Variants in IL7 observed in about 807,000 individuals in gnomAD.
The protein encoded by IL7 is interleukin-7.
In IL7, 3 loss-of-function variants were observed where a neutral mutation model predicts 21.6. The ratio of observed to expected loss-of-function variants is 0.14; its 90% CI spans 0.06 to 0.36. The LOEUF is 0.36. Among genes scored for constraint, IL7 ranks in the 10% least tolerant of loss-of-function variants. The pLI is 1.00. For synonymous variants in IL7, 62 were observed against 68.1 expected (o/e 0.91, Z 0.44); for missense variants, 175 against 200.2 (o/e 0.87, Z 0.76).
At position 78,741,973 on chromosome 8, in the gene IL7, A is replaced by C. The variant is rs114108149; in HGVS notation, c.148-1891T>G. ...AATAGAATTACTTGACCAAAGTCCC[A>C]ATAATTGTTTCTTATTCACATGTCA... On this transcript the variant is annotated intron_variant, in intron 2 of 5. Transcript: ENST00000263851. Among the ~76,000 whole-genome samples the C allele has an allele frequency of 5.3e-3, 810 of 152,314 alleles. 6 individuals are homozygous for C. The highest frequency in any genetic ancestry group is 0.019 in the African/African-American group (777 of 41,574).
At chr8:78,695,033 A>G (rs1810352859) in intron 3 of IL7, among the ~76,000 whole-genome samples, 1 of 152,146 alleles carries the variant, frequency 6.6e-6, no homozygotes, top group Non-Finnish European at 1.5e-5. Flanking sequence ...TGTAGAATAG[A>G]TAGAATATAG....
intron 2 of IL7, among the ~76,000 whole-genome samples, chr8:78,789,216 A>C (rs1178678859): frequency 6.6e-6 from 1 of 152,168 alleles, no homozygotes; most frequent in Non-Finnish European, 1.5e-5. Context: ...TTTTATAACT[A>C]GAAAAAAGTT....
downstream of IL7, chr8:78,675,593 T>C (rs552928303): frequency 1.9e-6 from 1 of 518,014 alleles, no homozygotes; most frequent in Non-Finnish European, 3.4e-6. Flanking sequence ...TCCATATTTA[T>C]CCTGACCTTT....
At chr8:78,700,910 G>A (rs947626986) in intron 3 of IL7, among the ~76,000 whole-genome samples, 5 of 152,078 alleles carry the variant, frequency 3.3e-5, no homozygotes, top group African/African-American at 1.2e-4. Flanking sequence ...TAGTATAGCT[G>A]GAAGTCAGGC....
At chr8:78,738,764 T>C (rs1435036331) in intron 3 of IL7, 129 bp from the exon 4 acceptor site, 3 of 723,168 alleles carry the variant, frequency 4.1e-6, no homozygotes. Context: ...AGCTTTCTAT[T>C]CCAGTTAATC....
intron 2 of IL7, among the ~76,000 whole-genome samples, chr8:78,771,793 AG>A (rs751266401): frequency 2.6e-5 from 4 of 152,110 alleles, no homozygotes; most frequent in Non-Finnish European, 5.9e-5. Flanking sequence ...ACCCTGTGCC[AG>A]GCCGCTCTAA....
At chr8:78,719,026 G>A (rs182441135) in exon 6 of IL7, 1 of 151,774 alleles carries the variant, frequency 6.6e-6, no homozygotes, top group Admixed American at 6.6e-5. Flanking sequence ...TTCCTGATTA[G>A]TTGTTAATTT....
intron 2 of IL7, among the ~76,000 whole-genome samples, chr8:78,790,077 T>C (rs1444647658): frequency 6.7e-6 from 1 of 149,544 alleles, no homozygotes; most frequent in South Asian, 2.1e-4. Flanking sequence ...GCCTCTGGAA[T>C]AGAGTCACAG....
chr8:78,770,251 C>T (rs1325760358), intron 2 of IL7, among the ~76,000 whole-genome samples: 1 of 152,050 alleles, frequency 6.6e-6, no homozygotes, highest in Non-Finnish European at 1.5e-5. Flanking sequence ...CTTTATTATT[C>T]TTGGTACATT....
chr8:78,726,130 T>A (rs1298688875), intron 3 of IL7, among the ~76,000 whole-genome samples: 3 of 151,892 alleles, frequency 2.0e-5, no homozygotes, highest in Non-Finnish European at 4.4e-5. Flanking sequence ...CAATTTTAGA[T>A]AGAGTGTTCA....
At chr8:78,676,528 A>G (rs1477695694) in intron 4 of IL7, among the ~76,000 whole-genome samples, 3 of 152,038 alleles carry the variant, frequency 2.0e-5, no homozygotes, top group African/African-American at 7.2e-5. Flanking sequence ...AACTTCAAAC[A>G]CAAATACACA....
intron 2 of IL7, among the ~76,000 whole-genome samples, chr8:78,784,959 GAAC>G (rs1813462200): frequency 6.6e-6 from 1 of 151,686 alleles, no homozygotes; most frequent in Non-Finnish European, 1.5e-5. Flanking sequence ...CTTTATATTT[GAAC>G]AACATCTTGT....
At chr8:78,780,022 A>C (rs1813271785) in intron 2 of IL7, among the ~76,000 whole-genome samples, 1 of 152,112 alleles carries the variant, frequency 6.6e-6, no homozygotes, top group Non-Finnish European at 1.5e-5. Flanking sequence ...ATTTATTTGC[A>C]TAGAGGTGTT....
At chr8:78,717,479 A>G, downstream of IL7, 1 of 1,580,844 alleles carries the variant, frequency 6.3e-7, no homozygotes, top group Non-Finnish European at 8.5e-7. Flanking sequence ...TGGCATTCGA[A>G]GAATGATTCT....
chr8:78,741,035 G>A (rs1450429292), intron 2 of IL7, among the ~76,000 whole-genome samples: 2 of 152,126 alleles, frequency 1.3e-5, no homozygotes, highest in Admixed American at 1.3e-4. Context: ...GAGCTTCTGG[G>A]ACTGAAAGCA....
Position 78,798,075 on chromosome 8 carries a change from T to A in IL7, c.144A>T (p.Leu48Phe). 6.2e-7 allele frequency: 1 copy of A among 1,601,564 alleles called. No homozygotes were observed. Among genetic ancestry groups the A allele is most frequent in the East Asian group, 2.2e-5 (1 of 44,718 alleles). ...ESVLMVSIDQ[L>F]LDSMKEIGSN... ...GTAAAACAAAATAATCACATACCAA[T>A]AATTGATCGATGCTGACCATTAGAA... is the stretch of plus-strand genomic sequence containing the variant. Residue 48 changes from leucine (L) to phenylalanine (F), a missense_variant, in exon 2 of 6, where the codon TTA (leucine) becomes TTT (phenylalanine). By Grantham distance (22) the Leu-to-Phe change is conservative. Transcript: ENST00000263851.
At chr8:78,700,527 ATTTGTGTT>A (rs930216641) in intron 3 of IL7, among the ~76,000 whole-genome samples, 2 of 151,992 alleles carry the variant, frequency 1.3e-5, no homozygotes, top group African/African-American at 4.8e-5. Flanking sequence ...CCATTTGTCA[ATTTGTGTT>A]TTTGTTGCAA....
chr8:78,772,204 G>A (rs1412952793), intron 2 of IL7, among the ~76,000 whole-genome samples: 2 of 152,016 alleles, frequency 1.3e-5, no homozygotes, highest in Non-Finnish European at 2.9e-5. Flanking sequence ...TCTATTACCC[G>A]AATTTGTCAT....
intron 4 of IL7, among the ~76,000 whole-genome samples, chr8:78,681,011 C>A (rs1027053667): frequency 6.6e-6 from 1 of 151,442 alleles, no homozygotes; most frequent in African/African-American, 2.4e-5. Context: ...GGCAGAGGCC[C>A]TTAGAAAACA....
Sources: allele counts gnomAD v4.1 joint callset (sites outside exome capture counted in the v4.1 genomes callset), GRCh38; gene constraint gnomAD v4.1.1; transcripts MANE v1.5; gene names NCBI Gene and HGNC (gene_info 2026-07-23, HGNC 2026-07-21).